ADARB2: variants seen among roughly 807,000 people sequenced by gnomAD.
ADARB2 encodes the protein adenosine deaminase RNA specific B2 (inactive).
In ADARB2, 25 loss-of-function variants were observed where a neutral mutation model predicts 62.2. That is an observed-to-expected ratio of 0.40 (90% confidence interval 0.29 to 0.56). The LOEUF (loss-of-function observed/expected upper bound fraction) is 0.56, where lower values mean the gene tolerates loss of function less well. Among genes scored for constraint, ADARB2 ranks in the 20% least tolerant of loss-of-function variants. ADARB2 has a pLI of 0.43. For synonymous variants in ADARB2, 572 were observed against 500.8 expected, an observed-to-expected ratio of 1.14 and a Z score of -1.90; for missense variants, 1,071 against 1,077.4, an observed-to-expected ratio of 0.99 and a Z score of 0.08.
intron 1 of ADARB2, among the ~76,000 whole-genome samples, chr10:1,544,956 T>TATATAC (rs10526252): frequency 1.5e-5 from 2 of 133,848 alleles, no homozygotes; most frequent in African/African-American, 5.5e-5. Context: ...TAGCAAAGTA[T>TATATAC]ACACACACAC....
intron 1 of ADARB2, among the ~76,000 whole-genome samples, chr10:1,607,758 G>A (rs570254256): frequency 3.3e-5 from 5 of 152,302 alleles, no homozygotes; most frequent in South Asian, 4.1e-4. Context: ...GGAGGCATCC[G>A]CCCAGTGCCT....
At chr10:1,286,043 C>G (rs1027437932) in intron 3 of ADARB2, among the ~76,000 whole-genome samples, 1 of 150,328 alleles carries the variant, frequency 6.7e-6, no homozygotes, top group Non-Finnish European at 1.5e-5. Flanking sequence ...GCTCCTTTCC[C>G]CTTTGAACTT....
At chr10:1,271,450 A>G (rs956860970) in intron 3 of ADARB2, among the ~76,000 whole-genome samples, 1 of 152,184 alleles carries the variant, frequency 6.6e-6, no homozygotes, top group African/African-American at 2.4e-5. Flanking sequence ...TCTTCTGAGT[A>G]TTCCAGAGCC....
At chr10:1,586,063 C>T (rs1350130689) in intron 1 of ADARB2, among the ~76,000 whole-genome samples, 1 of 152,052 alleles carries the variant, frequency 6.6e-6, no homozygotes, top group Non-Finnish European at 1.5e-5. Flanking sequence ...AAACAAAAAA[C>T]ACCCCAAAAC....
intron 1 of ADARB2, among the ~76,000 whole-genome samples, chr10:1,685,131 T>C (rs1346840880): frequency 6.6e-6 from 1 of 152,164 alleles, no homozygotes; most frequent in Non-Finnish European, 1.5e-5. Flanking sequence ...AGCCAGATTC[T>C]CTTTCTATGA....
intron 1 of ADARB2, among the ~76,000 whole-genome samples, chr10:1,521,304 ATGGACTCAGGTG>A (rs1216652856): frequency 2.0e-5 from 3 of 152,180 alleles, no homozygotes; most frequent in Non-Finnish European, 4.4e-5. Context: ...TTGAAGCCCA[ATGGACTCAGGTG>A]TGGATTCGGA....
intron 1 of ADARB2, among the ~76,000 whole-genome samples, chr10:1,435,035 A>G (rs1014376636): frequency 2.6e-5 from 4 of 152,240 alleles, no homozygotes; most frequent in African/African-American, 4.8e-5. Flanking sequence ...CGTTGGGGGA[A>G]GATTCAGATC....
intron 3 of ADARB2, among the ~76,000 whole-genome samples, chr10:1,335,076 C>A (rs770790779): frequency 6.6e-6 from 1 of 152,136 alleles, no homozygotes; most frequent in Non-Finnish European, 1.5e-5. Flanking sequence ...CCAAGTCTTA[C>A]GTGTGTGCGT....
intron 1 of ADARB2, among the ~76,000 whole-genome samples, chr10:1,734,858 A>T: frequency 6.6e-6 from 1 of 152,244 alleles, no homozygotes; most frequent in Admixed American, 6.5e-5. Context: ...GATTCATGAC[A>T]ATTAGAACAT....
intron 1 of ADARB2, among the ~76,000 whole-genome samples, chr10:1,595,854 T>C (rs1833326955): frequency 6.6e-6 from 1 of 152,262 alleles, no homozygotes; most frequent in African/African-American, 2.4e-5. Context: ...TTTGGACATC[T>C]ACATGTTGGA....
chr10:1,464,369 G>A (rs71491390), intron 1 of ADARB2, among the ~76,000 whole-genome samples: 5 of 146,038 alleles, frequency 3.4e-5, no homozygotes, highest in South Asian at 2.2e-4. Flanking sequence ...CAGTCACAGC[G>A]GGCAGCGTGC....
At chr10:1,572,982 C>T (rs763921713) in intron 1 of ADARB2, among the ~76,000 whole-genome samples, 22 of 152,274 alleles carry the variant, frequency 1.4e-4, no homozygotes, top group Admixed American at 7.2e-4. Context: ...CCCCCGAGTG[C>T]TCATTTACAT....
intron 4 of ADARB2, among the ~76,000 whole-genome samples, chr10:1,259,695 A>T (rs1831115301): frequency 6.6e-6 from 1 of 152,202 alleles, no homozygotes; most frequent in Non-Finnish European, 1.5e-5. Flanking sequence ...GACCAGATGG[A>T]TTCACAGCCG....
chr10:1,708,544 C>T (rs1406882512), intron 1 of ADARB2, among the ~76,000 whole-genome samples: 10 of 152,264 alleles, frequency 6.6e-5, no homozygotes, highest in South Asian at 2.1e-4. Flanking sequence ...TTAGTCAAGA[C>T]GCCAATCAAG....
intron 1 of ADARB2, among the ~76,000 whole-genome samples, chr10:1,650,532 G>A (rs956490328): frequency 4.6e-5 from 7 of 152,292 alleles, no homozygotes; most frequent in Middle Eastern, 3.4e-3. Flanking sequence ...CAGTCTTGGC[G>A]AACTTCACAG....
At chr10:1,328,118 G>A (rs1403922407) in intron 3 of ADARB2, among the ~76,000 whole-genome samples, 1 of 151,802 alleles carries the variant, frequency 6.6e-6, no homozygotes, top group Non-Finnish European at 1.5e-5. Context: ...AAGCAGCTCA[G>A]CAGGCGTGGA....
intron 3 of ADARB2, among the ~76,000 whole-genome samples, chr10:1,357,817 C>T (rs1832210712): frequency 6.6e-6 from 1 of 152,216 alleles, no homozygotes; most frequent in Non-Finnish European, 1.5e-5. Context: ...GTTGTAGACA[C>T]ACGAGCCCCA....
chr10:1,399,282 C>T (rs1053163388), intron 1 of ADARB2, among the ~76,000 whole-genome samples: 1 of 152,162 alleles, frequency 6.6e-6, no homozygotes, highest in Admixed American at 6.5e-5. Context: ...GAGATCTCCT[C>T]CTCTCTCAGA....
chr10:1,282,292 C>T (rs1831377533), intron 3 of ADARB2, among the ~76,000 whole-genome samples: 2 of 152,240 alleles, frequency 1.3e-5, no homozygotes, highest in Non-Finnish European at 2.9e-5. Flanking sequence ...TGATAACCAA[C>T]ACAGCTTTCA....
Sources: allele counts gnomAD v4.1 joint callset (sites outside exome capture counted in the v4.1 genomes callset), GRCh38; gene constraint gnomAD v4.1.1; transcripts MANE v1.5; gene names NCBI Gene and HGNC (gene_info 2026-07-23, HGNC 2026-07-21).